CCDC12: variants seen among roughly 807,000 people sequenced by gnomAD.
CCDC12 encodes the protein coiled-coil domain containing 12.
A neutral mutation model predicts 25.7 loss-of-function variants in CCDC12; 28 were observed. The ratio of observed to expected loss-of-function variants is 1.09; its 90% CI spans 0.81 to 1.50. The LOEUF (loss-of-function observed/expected upper bound fraction) is 1.50. Ranked by LOEUF, CCDC12 falls within the 40% of genes most tolerant of loss-of-function variation. CCDC12 has a pLI of 0.00. For missense variants in CCDC12, 198 were observed against 210.0 expected, an observed-to-expected ratio of 0.94 and a Z score of 0.35; for synonymous variants, 75 against 87.7, an observed-to-expected ratio of 0.86 and a Z score of 0.81.
intron 1 of CCDC12, 61 bp from the exon 2 acceptor site, chr3:46,941,126 G>T: frequency 6.5e-7 from 1 of 1,530,168 alleles, no homozygotes; most frequent in Non-Finnish European, 9.1e-7. Flanking sequence ...AGTCCACGTG[G>T]CCCAGGGAGC....
chr3:46,981,252 G>A (rs2035313595), upstream of CCDC12, among the ~76,000 whole-genome samples: 1 of 152,140 alleles, frequency 6.6e-6, no homozygotes, highest in Non-Finnish European at 1.5e-5. Context: ...AGACCATCCT[G>A]GCCAACATGG....
rs147911472 is a variant in CCDC12 at position 46,967,081 on chromosome 3, T to C, written c.96+9556A>G. On this transcript the variant is annotated intron_variant, in intron 1 of 6. Transcript: ENST00000683445. ...GCCCCAGGGCTTGATATCCTGTATC[T>C]GTTTCTAGTCCAGATGCCTGCTTAT... 2.1e-3 allele frequency among the ~76,000 whole-genome samples: 317 copies of C among 152,304 alleles called. 1 individual carries two copies. Among genetic ancestry groups the C allele is most frequent in the Non-Finnish European group, 3.8e-3 (260 of 68,028 alleles).
chr3:46,970,071 A>AT (rs1434824719), intron 1 of CCDC12, among the ~76,000 whole-genome samples: 3 of 151,750 alleles, frequency 2.0e-5, no homozygotes, highest in Non-Finnish European at 2.9e-5. Flanking sequence ...TTCCAGGTTA[A>AT]TTTTTTGTAT....
intron 1 of CCDC12, among the ~76,000 whole-genome samples, chr3:46,973,713 C>T (rs1246652168): frequency 2.0e-5 from 3 of 148,968 alleles, no homozygotes; most frequent in African/African-American, 7.4e-5. Context: ...CCCAGGTTCA[C>T]GTCATTCTCC....
chr3:46,963,278 T>C (rs1231094217), intron 1 of CCDC12, among the ~76,000 whole-genome samples: 1 of 152,264 alleles, frequency 6.6e-6, no homozygotes, highest in Non-Finnish European at 1.5e-5. Context: ...TTATGTACTT[T>C]TCTCTCTGTA....
chr3:46,960,437 G>A (rs1046796943), intron 1 of CCDC12, among the ~76,000 whole-genome samples: 5 of 152,168 alleles, frequency 3.3e-5, no homozygotes, highest in African/African-American at 9.7e-5. Context: ...AAATTACCCT[G>A]CAAGAAATCT....
At chr3:46,930,052 A>G (rs980529511) in intron 2 of CCDC12, among the ~76,000 whole-genome samples, 10 of 150,180 alleles carry the variant, frequency 6.7e-5, no homozygotes, top group African/African-American at 2.2e-4. Flanking sequence ...AAAAAAAAAA[A>G]AAAAAGAGAT....
At position 46,975,466 on chromosome 3, in the gene CCDC12, T is replaced by C. The variant is rs559659202; in HGVS notation, c.96+1171A>G. ...AGTGCGGGATTACAGGCACCAGCCA[T>C]TGTGCCCGGCCCTCGTTCCCAATTT... On this transcript the variant is annotated intron_variant, in intron 1 of 6. Coordinates refer to ENST00000683445, the MANE Select transcript of CCDC12 (RefSeq NM_001277074.2). Among the ~76,000 whole-genome samples, 11 of 151,702 alleles carry C rather than the reference T, an allele frequency of 7.3e-5. No homozygotes were observed. In the South Asian group the frequency reaches 2.3e-3, roughly 32 times the overall value.
At chr3:46,968,660 T>C (rs1371409114) in intron 1 of CCDC12, among the ~76,000 whole-genome samples, 1 of 152,178 alleles carries the variant, frequency 6.6e-6, no homozygotes, top group Non-Finnish European at 1.5e-5. Flanking sequence ...CCAAAGTCCA[T>C]TCTCTCCACT....
chr3:46,953,767 A>G (rs923338209), intron 1 of CCDC12, among the ~76,000 whole-genome samples: 2 of 152,288 alleles, frequency 1.3e-5, no homozygotes, highest in East Asian at 3.9e-4. Flanking sequence ...GCAGCAGCCA[A>G]TTGTAGACTA....
chr3:46,960,795 G>C (rs2034440360), intron 1 of CCDC12, among the ~76,000 whole-genome samples: 1 of 152,224 alleles, frequency 6.6e-6, no homozygotes, highest in Non-Finnish European at 1.5e-5. Context: ...CGAACAACTG[G>C]CTTAGAAACA....
At chr3:46,931,399 G>A (rs1226407832) in intron 2 of CCDC12, among the ~76,000 whole-genome samples, 2 of 152,162 alleles carry the variant, frequency 1.3e-5, no homozygotes, top group Non-Finnish European at 2.9e-5. Flanking sequence ...GTTCTAGAAT[G>A]GCGAAATGAA....
chr3:46,928,675 A>G (rs1264669165), intron 2 of CCDC12, among the ~76,000 whole-genome samples: 1 of 152,248 alleles, frequency 6.6e-6, no homozygotes, highest in Non-Finnish European at 1.5e-5. Context: ...TTCTAAATCT[A>G]GTTAAGAAGC....
intron 1 of CCDC12, among the ~76,000 whole-genome samples, chr3:46,973,254 A>G (rs4408896): frequency 0.96 from 145,060 of 151,546 alleles, 69,784 homozygotes; most frequent in East Asian, 1. Context: ...TGGGGAGGCT[A>G]AGGCAGGAGA....
intron 1 of CCDC12, among the ~76,000 whole-genome samples, chr3:46,951,826 T>TATATATATATATATAA (rs1460071732): frequency 2.8e-5 from 1 of 35,716 alleles, no homozygotes; most frequent in African/African-American, 6.5e-5. Context: ...TATATATACT[T>TATATATATATATATAA]AATGAGGATC....
intron 3 of CCDC12, 115 bp from the exon 4 acceptor site, chr3:46,923,783 C>G (rs2032815393): frequency 1.4e-5 from 12 of 874,052 alleles, no homozygotes; most frequent in Non-Finnish European, 1.9e-5. Context: ...CTTGCTCCCA[C>G]CTCTGTGTGG....
chr3:46,941,997 G>A (rs1433228500), intron 1 of CCDC12, among the ~76,000 whole-genome samples: 2 of 152,200 alleles, frequency 1.3e-5, no homozygotes, highest in Non-Finnish European at 2.9e-5. Context: ...TCTTAATCTG[G>A]TTCTTTTGAC....
chr3:46,959,377 C>T (rs1032357914), intron 1 of CCDC12, among the ~76,000 whole-genome samples: 1 of 152,182 alleles, frequency 6.6e-6, no homozygotes, highest in Non-Finnish European at 1.5e-5. Context: ...CTTAAGGGTA[C>T]GCATGTGAGT....
intron 2 of CCDC12, among the ~76,000 whole-genome samples, chr3:46,930,149 A>G (rs1398075226): frequency 6.6e-6 from 1 of 151,884 alleles, no homozygotes; most frequent in Admixed American, 6.5e-5. Flanking sequence ...AGCTGGGACT[A>G]CAGGCATGAG....
Sources: gnomAD v4.1 joint callset for allele counts (sites outside exome capture counted in the v4.1 genomes callset) on GRCh38, gnomAD v4.1.1 for gene constraint, MANE v1.5 for transcripts, NCBI Gene and HGNC (gene_info 2026-07-23, HGNC 2026-07-21) for gene names.